Variants in BMP2K observed in about 807,000 individuals in gnomAD.
BMP2K encodes BMP-2-inducible protein kinase.
BMP2K carries 74 observed loss-of-function variants against 116.0 expected under a neutral mutation model. The ratio of observed to expected loss-of-function variants is 0.64; its 90% CI spans 0.53 to 0.77. The LOEUF (loss-of-function observed/expected upper bound fraction) is 0.77, where lower values mean the gene tolerates loss of function less well. Ranked by LOEUF, BMP2K falls within the 30% of genes least tolerant of loss-of-function variation. The pLI is 0.00. For missense variants in BMP2K, 1,365 were observed against 1,403.6 expected (o/e 0.97, Z 0.44); for synonymous variants, 486 against 502.5 (o/e 0.97, Z 0.44).
intron 7 of BMP2K, among the ~76,000 whole-genome samples, chr4:78,851,705 A>G (rs529995137): frequency 0.081 from 12,398 of 152,124 alleles, 1,651 homozygotes; most frequent in African/African-American, 0.28. Flanking sequence ...TGGGCAAAAA[A>G]TAAGGCTGGA....
chr4:78,887,332 G>A, intron 15 of BMP2K, 48 bp downstream of exon 15: 1 of 1,319,952 alleles, frequency 7.6e-7, no homozygotes, highest in Non-Finnish European at 1.1e-6. Flanking sequence ...AAACACACAA[G>A]AACAACAGCA....
Position 78,912,063 on chromosome 4 carries a change from C to G in BMP2K, c.*30C>G. 1 of 1,536,974 alleles carries G rather than the reference C, an allele frequency of 6.5e-7. No individual in the cohort carries two copies. The highest frequency in any genetic ancestry group is 8.8e-7 in the Non-Finnish European group (1 of 1,137,916). On this transcript the variant is annotated 3_prime_UTR_variant, in exon 16 of 16. Transcript: ENST00000502613. Reference sequence around the variant, plus strand: ...TTCTGATGGATTCTCGGCATTAACTCCTGTTTCAAAAAAGTGTGAACAGTT... The same window carrying G: ...TTCTGATGGATTCTCGGCATTAACTGCTGTTTCAAAAAAGTGTGAACAGTT...
chr4:78,835,922 C>T (rs1433638541), intron 3 of BMP2K, among the ~76,000 whole-genome samples: 3 of 152,082 alleles, frequency 2.0e-5, no homozygotes, highest in Non-Finnish European at 4.4e-5. Context: ...GATATTGTCT[C>T]TAAGAAAAGA....
chr4:78,871,208 G>C, intron 11 of BMP2K, 148 bp downstream of exon 11: 1 of 1,409,002 alleles, frequency 7.1e-7, no homozygotes, highest in Non-Finnish European at 9.6e-7. Flanking sequence ...GAAAGAATAC[G>C]TATTTAATTT....
chr4:78,778,327 T>A (rs1222762015), intron 1 of BMP2K, among the ~76,000 whole-genome samples: 1 of 150,302 alleles, frequency 6.7e-6, no homozygotes, highest in East Asian at 1.9e-4. Context: ...AATAAAAAAA[T>A]AATTTTGGAA....
intron 15 of BMP2K, among the ~76,000 whole-genome samples, chr4:78,894,962 G>A (rs761547713): frequency 1.3e-5 from 2 of 152,188 alleles, no homozygotes; most frequent in Non-Finnish European, 2.9e-5. Context: ...CAGCTGGTCG[G>A]TAGATCAGTC....
In BMP2K at chr4:78,850,990, A is replaced by G; in HGVS notation, c.817A>G (p.Ile273Val). The G allele has an allele frequency of 6.2e-7, 1 of 1,612,274 alleles. No individual in the cohort carries two copies. The highest frequency in any genetic ancestry group is 8.5e-7 in the Non-Finnish European group (1 of 1,178,876). ...TCCTTTTGGTGAGAGTCAGGTTGCT[A>G]TCTGTGATGGCAACTTCACCATCCC... ...TLPFGESQVAICDGNFTIPDN... is the reference protein window; with the variant it reads ...TLPFGESQVAVCDGNFTIPDN... Residue 273 changes from isoleucine (I) to valine (V), a missense_variant, in exon 7 of 16, where the codon ATC (isoleucine) becomes GTC (valine). By Grantham distance (29) the Ile-to-Val change is conservative. Around this residue, in one of 3 missense-constraint regions of BMP2K, gnomAD observed 762 missense variants for 756.7 expected, o/e 1.01. Coordinates refer to ENST00000502613, the MANE Select transcript of BMP2K (RefSeq NM_198892.2).
In BMP2K at chr4:78,861,558, A is replaced by G. The variant is rs185072037; in HGVS notation, c.1067+90A>G. On this transcript the variant is annotated intron_variant, in intron 9 of 15. Coordinates refer to ENST00000502613, the MANE Select transcript of BMP2K (RefSeq NM_198892.2). ...TAGCAAGTGTAATTGATTAAATATC[A>G]TCTTCATCCACAAAGAATGTTGTGT... 1.5e-3 allele frequency: 1,561 copies of G among 1,011,670 alleles called. 19 individuals carry two copies. The highest frequency in any genetic ancestry group is 4.1e-4 in the East Asian group (16 of 38,832). 62.7% of individuals were successfully genotyped at this position (1,011,670 alleles called of 1,614,324 possible).
chr4:78,833,964 C>T (rs1730333250), intron 3 of BMP2K, among the ~76,000 whole-genome samples: 1 of 152,124 alleles, frequency 6.6e-6, no homozygotes, highest in African/African-American at 2.4e-5. Context: ...TTCTTGCTCT[C>T]CATAGAATTC....
At chr4:78,829,783 T>TTCTTTTCTTTTCTTTTCTTTTC (rs1553915833) in intron 2 of BMP2K, among the ~76,000 whole-genome samples, 77 of 110,800 alleles carry the variant, frequency 6.9e-4, no homozygotes, top group African/African-American at 1.7e-3. Flanking sequence ...TTCTTTTCTT[T>TTCTTTTCTTTTCTTTTCTTTTC]TCTTTTCTCT....
At chr4:78,799,964 A>G (rs1396924083) in intron 1 of BMP2K, among the ~76,000 whole-genome samples, 2 of 152,192 alleles carry the variant, frequency 1.3e-5, no homozygotes, top group African/African-American at 4.8e-5. Context: ...AGTGCGGGGA[A>G]TAGTGGAAGT....
chr4:78,872,027 G>T lies in BMP2K; in HGVS notation c.1608+79G>T, dbSNP rs575631920. The stretch of plus-strand genomic sequence containing the variant: ...TTCACAGTATGAATCATATTATTCA[G>T]AATTTAGTAATTCAAAATCAAGTAA... On this transcript the variant is annotated intron_variant, in intron 12 of 15. Transcript: ENST00000502613. 6.6e-5 allele frequency: 68 copies of T among 1,024,972 alleles called. No individual in the cohort carries two copies. The African/African-American group carries it at 7.0e-4, about 10-fold the overall frequency. 63.5% of individuals were successfully genotyped at this position (1,024,972 alleles called of 1,614,324 possible). A position where few individuals can be genotyped will look rare whatever the true frequency, so the allele number is the denominator to read the frequency against.
In BMP2K at chr4:78,830,853, T is replaced by C. The variant is rs564153645; in HGVS notation, c.298-2729T>C. Among the ~76,000 whole-genome samples, 4 of 152,364 alleles carry C rather than the reference T, an allele frequency of 2.6e-5. No individual in the cohort carries two copies. The East Asian group carries it at 7.7e-4, about 29-fold the overall frequency. On this transcript the variant is annotated intron_variant, in intron 2 of 15. Transcript: ENST00000502613. Reference sequence around the variant, plus strand: ...AGGGAATGTAGTGGTTGGCTTGATCTGTCTAGACCGTTAAAACTTTCTCCA... The same window carrying C: ...AGGGAATGTAGTGGTTGGCTTGATCCGTCTAGACCGTTAAAACTTTCTCCA...
chr4:78,911,774 C>G lies in BMP2K; in HGVS notation c.3227C>G (p.Ser1076Cys). The change falls in exon 16 of 16, where the codon TCT becomes TGT. Residue 1076 changes from serine (S) to cysteine (C), a missense_variant. Coordinates refer to ENST00000502613, the MANE Select transcript of BMP2K (RefSeq NM_198892.2). Reference sequence around the variant, plus strand: ...CCCTTCGGTGCCAAGCCCTTCCATTCTCCAGACCTGTCATGGCACCCTCCA... The same window carrying G: ...CCCTTCGGTGCCAAGCCCTTCCATTGTCCAGACCTGTCATGGCACCCTCCA... ...LDPFGAKPFH[S>C]PDLSWHPPHQ... The G allele has an allele frequency of 6.2e-7, 1 of 1,614,024 alleles. No homozygotes were observed. Among genetic ancestry groups the G allele is most frequent in the South Asian group, 1.1e-5 (1 of 91,080 alleles).
chr4:78,875,229 A>G (rs1210698044), intron 13 of BMP2K, among the ~76,000 whole-genome samples: 1 of 152,206 alleles, frequency 6.6e-6, no homozygotes, highest in African/African-American at 2.4e-5. Flanking sequence ...GTTCCTGCTT[A>G]TGACAAAGTC....
At chr4:78,865,936 CA>C (rs1260719960) in intron 10 of BMP2K, among the ~76,000 whole-genome samples, 2 of 152,072 alleles carry the variant, frequency 1.3e-5, no homozygotes, top group East Asian at 3.8e-4. Flanking sequence ...AAGTATGGTA[CA>C]AAAAACTCAC....
intron 1 of BMP2K, 37 bp downstream of exon 1, chr4:78,776,758 G>A (rs1727268176): frequency 4.8e-6 from 6 of 1,246,216 alleles, no homozygotes; most frequent in Middle Eastern, 3.2e-4. Flanking sequence ...AGGCAGGTGA[G>A]GGAGGGTTGG....
At chr4:78,787,659 C>CT (rs1333853169) in intron 1 of BMP2K, among the ~76,000 whole-genome samples, 3 of 152,098 alleles carry the variant, frequency 2.0e-5, no homozygotes, top group African/African-American at 7.2e-5. Context: ...ATCTTATCTC[C>CT]TTAAGGCTCC....
Position 78,911,265 on chromosome 4 carries a change from G to A in BMP2K, c.2718G>A (p.Lys906=), listed in dbSNP as rs751477562. 6.2e-7 allele frequency: 1 copy of A among 1,613,976 alleles called. No individual in the cohort carries two copies. The highest frequency in any genetic ancestry group is 1.1e-5 in the South Asian group (1 of 91,080). The part of the protein sequence containing the change: ...DVFTKAPFSK[K]VNVQECHAVG... Reference sequence around the variant, plus strand: ...TCACAAAGGCGCCTTTTAGCAAGAAGGTGAATGTACAAGAATGCCATGCAG... The same window carrying A: ...TCACAAAGGCGCCTTTTAGCAAGAAAGTGAATGTACAAGAATGCCATGCAG... The change falls in exon 16 of 16, where the codon AAG becomes AAA. Residue 906 remains lysine, a synonymous_variant. Transcript: ENST00000502613.
Sources: gnomAD v4.1 joint callset for allele counts (sites outside exome capture counted in the v4.1 genomes callset) on GRCh38, gnomAD v4.1.1 for gene constraint, gnomAD v4.1.1 regional missense constraint, MANE v1.5 for transcripts, NCBI Gene and HGNC (gene_info 2026-07-23, HGNC 2026-07-21) for gene names.